CPVL: variants seen among roughly 807,000 people sequenced by gnomAD.
CPVL encodes the protein probable serine carboxypeptidase CPVL.
In CPVL, 51 loss-of-function variants were observed where a neutral mutation model predicts 63.7. The ratio of observed to expected loss-of-function variants is 0.80; its 90% confidence interval spans 0.64 to 1.01. The LOEUF is 1.01. CPVL is among the 50% of genes least tolerant of loss of function. The pLI is 0.00. For missense variants in CPVL, 530 were observed against 573.1 expected (o/e 0.92, Z 0.77); for synonymous variants, 195 against 206.0 (o/e 0.95, Z 0.46).
chr7:29,047,761 C>A (rs532299460), intron 11 of CPVL, among the ~76,000 whole-genome samples: 2 of 152,006 alleles, frequency 1.3e-5, no homozygotes, highest in African/African-American at 4.8e-5. Context: ...AAAGTTAAGA[C>A]GAAAGAAAGA....
At chr7:29,095,281 T>C (rs1190931413) in intron 4 of CPVL, 139 bp from the exon 5 acceptor site, 3 of 688,168 alleles carry the variant, frequency 4.4e-6, no homozygotes, top group South Asian at 1.7e-5. Context: ...CACACTCTCA[T>C]GGTGGGGAAC....
chr7:29,117,990 T>G (rs1457428118), intron 2 of CPVL, among the ~76,000 whole-genome samples: 1 of 152,248 alleles, frequency 6.6e-6, no homozygotes, highest in Non-Finnish European at 1.5e-5. Context: ...GAATCTCCAG[T>G]GCACTTACTT....
At chr7:29,001,794 G>A (rs969270386) in intron 12 of CPVL, among the ~76,000 whole-genome samples, 1 of 152,104 alleles carries the variant, frequency 6.6e-6, no homozygotes. Context: ...AAAACTTTTG[G>A]TGCTCCTTTA....
intron 11 of CPVL, among the ~76,000 whole-genome samples, chr7:29,043,961 T>C (rs2128166778): frequency 6.6e-6 from 1 of 152,256 alleles, no homozygotes; most frequent in East Asian, 1.9e-4. Flanking sequence ...GCATGGGGCC[T>C]GGAGTCAGAC....
At chr7:29,135,668 A>T (rs1791136845) in intron 1 of CPVL, among the ~76,000 whole-genome samples, 1 of 152,052 alleles carries the variant, frequency 6.6e-6, no homozygotes, top group Non-Finnish European at 1.5e-5. Context: ...ATTCAGAAAT[A>T]CATAAGAGTT....
intron 1 of CPVL, among the ~76,000 whole-genome samples, chr7:29,136,208 C>T (rs1791209355): frequency 6.6e-6 from 1 of 152,092 alleles, no homozygotes; most frequent in Non-Finnish European, 1.5e-5. Flanking sequence ...TGTAAAAAAT[C>T]ATATCAATAA....
At chr7:29,028,887 C>T (rs1344364203) in intron 12 of CPVL, among the ~76,000 whole-genome samples, 1 of 150,282 alleles carries the variant, frequency 6.7e-6, no homozygotes, top group Non-Finnish European at 1.5e-5. Context: ...ATGGCGCGAA[C>T]CGGTGTGGTG....
intron 7 of CPVL, among the ~76,000 whole-genome samples, chr7:29,085,679 T>G (rs1325562617): frequency 1.3e-5 from 2 of 152,222 alleles, no homozygotes; most frequent in Non-Finnish European, 2.9e-5. Flanking sequence ...TGGCAAGATC[T>G]GGCAGACACC....
intron 9 of CPVL, among the ~76,000 whole-genome samples, chr7:29,068,460 T>G (rs1025869696): frequency 6.6e-6 from 1 of 152,086 alleles, no homozygotes; most frequent in Admixed American, 6.5e-5. Context: ...ATGCTACCAT[T>G]GCTCAGGGCC....
At chr7:29,112,618 G>C in intron 3 of CPVL, 86 bp downstream of exon 3, 1 of 779,462 alleles carries the variant, frequency 1.3e-6, no homozygotes, top group Non-Finnish European at 2.1e-6. Context: ...TTTTTTTAAA[G>C]ACCTGTAGCT....
At chr7:29,181,110 T>C (rs1035989791) in intron 5 of CPVL, among the ~76,000 whole-genome samples, 1 of 152,222 alleles carries the variant, frequency 6.6e-6, no homozygotes, top group Non-Finnish European at 1.5e-5. Context: ...CTAGGGAATT[T>C]GTGTTTTAAA....
intron 12 of CPVL, among the ~76,000 whole-genome samples, chr7:29,007,894 T>A (rs1785363600): frequency 6.6e-6 from 1 of 152,184 alleles, no homozygotes; most frequent in Non-Finnish European, 1.5e-5. Context: ...AATAAATGAA[T>A]ATTTTTAAAA....
intron 9 of CPVL, among the ~76,000 whole-genome samples, chr7:29,070,724 A>T (rs1783649324): frequency 6.6e-6 from 1 of 152,208 alleles, no homozygotes; most frequent in Non-Finnish European, 1.5e-5. Context: ...TTGCACAGCT[A>T]GCTGCTATCA....
chr7:29,023,818 C>A (rs147729733), intron 12 of CPVL, among the ~76,000 whole-genome samples: 76 of 152,260 alleles, frequency 5.0e-4, no homozygotes, highest in African/African-American at 1.8e-3. Flanking sequence ...CACAACCAAC[C>A]CTACAGACAC....
chr7:29,071,494 G>T (rs1215589872), intron 9 of CPVL, among the ~76,000 whole-genome samples: 1 of 152,146 alleles, frequency 6.6e-6, no homozygotes, highest in African/African-American at 2.4e-5. Context: ...GGCCTCCACA[G>T]CATTTAAAGA....
intron 1 of CPVL, chr7:29,126,905 C>A (rs1397961429): frequency 6.6e-6 from 1 of 152,192 alleles, no homozygotes; most frequent in African/African-American, 2.4e-5. Flanking sequence ...TTGAAGTACT[C>A]TTTTCCCAGG....
intron 1 of CPVL, among the ~76,000 whole-genome samples, chr7:29,125,517 C>A (rs1182447312): frequency 5.3e-5 from 8 of 151,728 alleles, no homozygotes; most frequent in Admixed American, 2.0e-4. Flanking sequence ...CTCAGCCCCC[C>A]ATGTAGCTGG....
intron 12 of CPVL, among the ~76,000 whole-genome samples, chr7:28,999,703 T>C (rs1446972731): frequency 6.6e-6 from 1 of 152,192 alleles, no homozygotes; most frequent in African/African-American, 2.4e-5. Context: ...CTGCCATGTG[T>C]AATGACCCTA....
At chr7:29,037,927 TCC>T (rs1290988072) in intron 11 of CPVL, among the ~76,000 whole-genome samples, 1 of 152,200 alleles carries the variant, frequency 6.6e-6, no homozygotes, top group African/African-American at 2.4e-5. Context: ...AATAGCTACA[TCC>T]CACAGCTGTC....
Sources: gnomAD v4.1 joint callset for allele counts (sites outside exome capture counted in the v4.1 genomes callset) on GRCh38, gnomAD v4.1.1 for gene constraint, MANE v1.5 for transcripts, NCBI Gene and HGNC (gene_info 2026-07-23, HGNC 2026-07-21) for gene names.